Variants in SRSF3 observed in about 807,000 individuals in gnomAD.
SRSF3 encodes serine/arginine-rich splicing factor 3.
For synonymous variants in SRSF3, 87 were observed against 73.6 expected (o/e 1.18, Z -0.93); for missense variants, 58 against 217.1 (o/e 0.27, Z 4.61).
rs1778727330 is a variant in SRSF3 at position 36,602,057 on chromosome 6, T to C, written c.*68T>C. On this transcript the variant is annotated 3_prime_UTR_variant, in exon 6 of 6. Coordinates refer to ENST00000373715, the MANE Select transcript of SRSF3 (RefSeq NM_003017.5). ...TTTGACAGGAGTATGTACAGAAAAT[T>C]CAAGTTTTGTTTGAGACTTCATAAG... 1.3e-6 allele frequency: 2 copies of C among 1,560,166 alleles called. No individual in the cohort carries two copies. The highest frequency in any genetic ancestry group is 1.7e-6 in the Non-Finnish European group (2 of 1,162,816).
Position 36,602,539 on chromosome 6 carries a change from T to G in SRSF3, c.*550T>G, listed in dbSNP as rs1389974246. 4 of 218,666 alleles carry G rather than the reference T, an allele frequency of 1.8e-5. No individual in the cohort carries two copies. The highest frequency in any genetic ancestry group is 1.2e-4 in the Admixed American group (2 of 17,286). 13.5% of individuals were successfully genotyped at this position (218,666 alleles called of 1,614,324 possible). A position where few individuals can be genotyped will look rare whatever the true frequency, so the allele number is the denominator to read the frequency against. ...GCCTAGTTGGTATAGAATGTTAAGT[T>G]TCAAGAAAGTTTACCTTTGCTTTAG... On this transcript the variant is annotated 3_prime_UTR_variant, in exon 6 of 6. Transcript: ENST00000373715.
rs1282296876 is a variant in SRSF3, at chr6:36,604,875, A to G, written c.*2886A>G. 1 of 152,102 alleles carries G rather than the reference A, an allele frequency of 6.6e-6. No individual in the cohort carries two copies. The highest frequency in any genetic ancestry group is 3.2e-3 in the Middle Eastern group (1 of 316). 9.4% of individuals were successfully genotyped at this position (152,102 alleles called of 1,614,324 possible). A position where few individuals can be genotyped will look rare whatever the true frequency, so the allele number is the denominator to read the frequency against. On this transcript the variant is annotated 3_prime_UTR_variant, in exon 6 of 6. Transcript: ENST00000373715. ...GTGATGTGAGAACCACTAGTTTAGT[A>G]TTTTGTCCAAGTATGCTTTTTTTCA...
In SRSF3 at chr6:36,601,896, T is replaced by C. The variant is rs376931223; in HGVS notation, c.468-66T>C. 3.9e-5 allele frequency: 62 copies of C among 1,592,892 alleles called. No individual in the cohort carries two copies. In the African/African-American group the frequency reaches 7.8e-4, roughly 20 times the overall value. On this transcript the variant is annotated intron_variant, in intron 5 of 5. Transcript: ENST00000373715. ...TTTACCTTAAAGTTCTATTTCGATA[T>C]GTCACTAAAGTGTCACCAAGTTACA...
rs1476174243 is a variant in SRSF3 at position 36,603,140 on chromosome 6, A to G, written c.*1151A>G. 1 of 224,108 alleles carries G rather than the reference A, an allele frequency of 4.5e-6. No homozygotes were observed. Among genetic ancestry groups the G allele is most frequent in the Non-Finnish European group, 8.9e-6 (1 of 112,060 alleles). The allele number at this position is 224,108 out of a possible 1,614,324, so 13.9% of individuals were successfully genotyped here. A position where few individuals can be genotyped will look rare whatever the true frequency, so the allele number is the denominator to read the frequency against. On this transcript the variant is annotated 3_prime_UTR_variant, in exon 6 of 6. Coordinates refer to ENST00000373715, the MANE Select transcript of SRSF3 (RefSeq NM_003017.5). ...CATAATATTTAGTGACCAACATTTT[A>G]AAGTATAGCAGCAACCTGGTTCTTA...
intron 1 of SRSF3, among the ~76,000 whole-genome samples, chr6:36,596,267 T>C (rs1010788400): frequency 6.6e-6 from 1 of 152,156 alleles, no homozygotes; most frequent in Non-Finnish European, 1.5e-5. Context: ...CTTATTTTTA[T>C]TAAAGCTGGT....
chr6:36,597,254 T>G (rs751892879), intron 2 of SRSF3: 19 of 430,114 alleles, frequency 4.4e-5, no homozygotes, highest in Non-Finnish European at 6.7e-5. Flanking sequence ...TACAGGCGTG[T>G]GCCATCATGC....
chr6:36,601,447 G>A, intron 4 of SRSF3: 1 of 570,464 alleles, frequency 1.8e-6, no homozygotes, highest in East Asian at 2.8e-5. Flanking sequence ...CCTGGCCTTG[G>A]AGTGATCCTC....
In SRSF3 at chr6:36,596,894, C is replaced by T. The variant is rs1778638776; in HGVS notation, c.132C>T (p.Asn44=). 1.2e-6 allele frequency: 2 copies of T among 1,613,884 alleles called. No homozygotes were observed. Among genetic ancestry groups the T allele is most frequent in the African/African-American group, 1.3e-5 (1 of 74,928 alleles). Reference sequence around the variant, plus strand: ...TCCGAAGTGTGTGGGTTGCTAGAAACCCACCCGGCTTTGCTTTTGTTGAAT... The same window carrying T: ...TCCGAAGTGTGTGGGTTGCTAGAAATCCACCCGGCTTTGCTTTTGTTGAAT... ...GPLRSVWVAR[N]PPGFAFVEFE... is the part of the protein sequence containing the mutation. The change falls in exon 2 of 6, where the codon AAC becomes AAT. Residue 44 remains asparagine, a synonymous_variant. Transcript: ENST00000373715.
chr6:36,603,847 G>C lies in SRSF3; in HGVS notation c.*1858G>C, dbSNP rs1778766014. On this transcript the variant is annotated 3_prime_UTR_variant, in exon 6 of 6. Coordinates refer to ENST00000373715, the MANE Select transcript of SRSF3 (RefSeq NM_003017.5). Reference sequence around the variant, plus strand: ...CAACTTATGTGGGCATTTTTGGGCAGTATATGACTTCCTTGCAGGCTCTTA... The same window carrying C: ...CAACTTATGTGGGCATTTTTGGGCACTATATGACTTCCTTGCAGGCTCTTA... 2 of 231,600 alleles carry C rather than the reference G, an allele frequency of 8.6e-6. No homozygotes were observed. Among genetic ancestry groups the C allele is most frequent in the Non-Finnish European group, 1.7e-5 (2 of 117,060 alleles). 14.3% of individuals were successfully genotyped at this position (231,600 alleles called of 1,614,324 possible). A position where few individuals can be genotyped will look rare whatever the true frequency, so the allele number is the denominator to read the frequency against.
Position 36,604,762 on chromosome 6 carries a change from C to G in SRSF3, c.*2773C>G, listed in dbSNP as rs907314211. On this transcript the variant is annotated 3_prime_UTR_variant, in exon 6 of 6. Coordinates refer to ENST00000373715, the MANE Select transcript of SRSF3 (RefSeq NM_003017.5). ...TTGAAGAGGTATTTCAGAATAGATA[C>G]AGCCAGACTCCAGGCTCATTGACTT... The G allele has an allele frequency of 2.0e-5, 3 of 152,390 alleles. No individual in the cohort carries two copies. Among genetic ancestry groups the G allele is most frequent in the Non-Finnish European group, 2.9e-5 (2 of 68,160 alleles). 9.4% of individuals were successfully genotyped at this position (152,390 alleles called of 1,614,324 possible).
chr6:36,597,018 T>C, intron 2 of SRSF3, 50 bp downstream of exon 2: 1 of 1,572,456 alleles, frequency 6.4e-7, no homozygotes, highest in Non-Finnish European at 8.7e-7. Context: ...GTTTTTCATA[T>C]TTAAAATCTA....
intron 4 of SRSF3, 113 bp downstream of exon 4, chr6:36,601,303 T>A: frequency 1.9e-6 from 2 of 1,035,800 alleles, no homozygotes; most frequent in Non-Finnish European, 2.9e-6. Context: ...TAATAGTGAA[T>A]CAAGTTGTAA....
chr6:36,596,661 T>TA, intron 1 of SRSF3, 100 bp from the exon 2 acceptor site: 16 of 1,108,088 alleles, frequency 1.4e-5, no homozygotes, highest in Non-Finnish European at 1.2e-5. Flanking sequence ...CGTGCTACCT[T>TA]AAACTCTCTT....
At chr6:36,595,907 G>A (rs1778619448) in intron 1 of SRSF3, among the ~76,000 whole-genome samples, 1 of 151,516 alleles carries the variant, frequency 6.6e-6, no homozygotes, top group Non-Finnish European at 1.5e-5. Context: ...ACCAAAATAG[G>A]CATTTATTTA....
Position 36,599,719 on chromosome 6 carries a change from AAAG to A in SRSF3, c.341+738_341+740del, listed in dbSNP as rs1778687435. On this transcript the variant is annotated intron_variant, in intron 3 of 5. Coordinates refer to ENST00000373715, the MANE Select transcript of SRSF3 (RefSeq NM_003017.5). ...ACAGCACACTGTTGCCCATCATAAT[AAAG>A]AGTATTTGTTAGCTAATAGATGGTT... The A allele has an allele frequency of 1.4e-5, 13 of 904,016 alleles. No homozygotes were observed. The South Asian group carries it at 1.7e-4, about 12-fold the overall frequency. The allele number at this position is 904,016 out of a possible 1,614,324, so 56.0% of individuals were successfully genotyped here. A position where few individuals can be genotyped will look rare whatever the true frequency, so the allele number is the denominator to read the frequency against.
At chr6:36,600,994 T>G (rs1778702701) in intron 3 of SRSF3, 158 bp from the exon 4 acceptor site, 1 of 439,416 alleles carries the variant, frequency 2.3e-6, no homozygotes, top group Non-Finnish European at 3.7e-6. Context: ...TTTCTTTTCT[T>G]TTTTTTCTTT....
intron 1 of SRSF3, among the ~76,000 whole-genome samples, chr6:36,595,422 C>G (rs1323626436): frequency 6.6e-6 from 1 of 152,172 alleles, no homozygotes; most frequent in Non-Finnish European, 1.5e-5. Context: ...GTAATCATCA[C>G]TTACACGTAG....
chr6:36,598,790 C>A, intron 2 of SRSF3, 59 bp from the exon 3 acceptor site: 1 of 1,589,996 alleles, frequency 6.3e-7, no homozygotes. Flanking sequence ...GTACTTTTGG[C>A]TTTAATACGC....
Position 36,604,066 on chromosome 6 carries a change from A to G in SRSF3, c.*2077A>G, listed in dbSNP as rs1264066461. 4.4e-6 allele frequency: 1 copy of G among 228,184 alleles called. No homozygotes were observed. The highest frequency in any genetic ancestry group is 8.7e-6 in the Non-Finnish European group (1 of 115,080). The allele number at this position is 228,184 out of a possible 1,614,324, so 14.1% of individuals were successfully genotyped here. A position where few individuals can be genotyped will look rare whatever the true frequency, so the allele number is the denominator to read the frequency against. ...CTCTTAGAAACTTTAGAACATGGAA[A>G]TTGTTAAAAGCTTTGAATTGCACAT... On this transcript the variant is annotated 3_prime_UTR_variant, in exon 6 of 6. Transcript: ENST00000373715.
Sources: gnomAD v4.1 joint callset for allele counts (sites outside exome capture counted in the v4.1 genomes callset) on GRCh38, gnomAD v4.1.1 for gene constraint, MANE v1.5 for transcripts, NCBI Gene and HGNC (gene_info 2026-07-23, HGNC 2026-07-21) for gene names.